The following PEX5L variants were observed in gnomAD, a reference collection of about 807,000 sequenced individuals.
The protein encoded by PEX5L is peroxisomal biogenesis factor 5 like.
In PEX5L, 30 loss-of-function variants were observed where a neutral mutation model predicts 84.0. The ratio of observed to expected loss-of-function variants is 0.36; its 90% CI spans 0.27 to 0.48. The LOEUF (loss-of-function observed/expected upper bound fraction) is 0.48, where lower values mean the gene tolerates loss of function less well. Ranked by LOEUF, PEX5L falls within the 20% of genes least tolerant of loss-of-function variation. The probability of loss-of-function intolerance (pLI) is 0.99; values close to 1 mark genes in which losing one functional copy is unlikely to be tolerated. For synonymous variants in PEX5L, 270 were observed against 283.1 expected, an observed-to-expected ratio of 0.95 and a Z score of 0.46; for missense variants, 533 against 754.6, an observed-to-expected ratio of 0.71 and a Z score of 3.44.
intron 8 of PEX5L, among the ~76,000 whole-genome samples, chr3:179,844,557 G>A (rs892221371): frequency 7.9e-5 from 12 of 152,214 alleles, no homozygotes; most frequent in South Asian, 2.1e-4. Flanking sequence ...AGCTGGGCGC[G>A]GTGGCTCACG....
At chr3:179,823,070 A>G (rs1729075097) in intron 8 of PEX5L, among the ~76,000 whole-genome samples, 1 of 152,256 alleles carries the variant, frequency 6.6e-6, no homozygotes, top group Non-Finnish European at 1.5e-5. Context: ...TAGGTGCTCA[A>G]AAAAAGTAAG....
rs1718686827 is a variant in PEX5L, at chr3:179,800,941, G to A, written c.*887C>T. The A allele has an allele frequency of 6.6e-6, 1 of 152,408 alleles. No individual in the cohort carries two copies. The highest frequency in any genetic ancestry group is 6.5e-5 in the Admixed American group (1 of 15,268). 9.4% of individuals were successfully genotyped at this position (152,408 alleles called of 1,614,324 possible). ...AATGCATGAAGAGACAGTACCTTGT[G>A]TCTTACTTATGTTCATACAGACCCA... On this transcript the variant is annotated 3_prime_UTR_variant, in exon 15 of 15. Coordinates refer to ENST00000467460, the MANE Select transcript of PEX5L (RefSeq NM_016559.3).
At chr3:179,851,149 G>A (rs1741683575) in intron 8 of PEX5L, among the ~76,000 whole-genome samples, 1 of 152,168 alleles carries the variant, frequency 6.6e-6, no homozygotes, top group Admixed American at 6.5e-5. Context: ...AAGTTAAAGA[G>A]AAGTAAAGAA....
intron 1 of PEX5L, among the ~76,000 whole-genome samples, chr3:180,024,112 A>T (rs1790683923): frequency 6.6e-6 from 1 of 152,030 alleles, no homozygotes; most frequent in Non-Finnish European, 1.5e-5. Flanking sequence ...GCACAAAGGT[A>T]GTACATGTCA....
intron 2 of PEX5L, among the ~76,000 whole-genome samples, chr3:179,938,108 G>A (rs1237053897): frequency 6.6e-6 from 1 of 152,016 alleles, no homozygotes; most frequent in African/African-American, 2.4e-5. Context: ...TTATAAAAAT[G>A]GATTCTGATG....
chr3:179,863,652 G>A (rs1747044195), intron 7 of PEX5L, among the ~76,000 whole-genome samples: 2 of 152,130 alleles, frequency 1.3e-5, no homozygotes, highest in Admixed American at 6.6e-5. Flanking sequence ...CACCTATTAG[G>A]ATGTCTGTTA....
chr3:180,035,120 G>T (rs920446724), intron 1 of PEX5L, among the ~76,000 whole-genome samples: 1 of 151,944 alleles, frequency 6.6e-6, no homozygotes, highest in East Asian at 1.9e-4. Context: ...ATTTTTTGAG[G>T]GTTGACTCTA....
At chr3:179,935,983 A>T (rs972429929) in intron 2 of PEX5L, among the ~76,000 whole-genome samples, 1 of 152,178 alleles carries the variant, frequency 6.6e-6, no homozygotes, top group Non-Finnish European at 1.5e-5. Context: ...AGCAGATGCC[A>T]GCACCACGTT....
At chr3:180,010,258 TTTTTTTTTC>T (rs1789327043) in intron 1 of PEX5L, among the ~76,000 whole-genome samples, 2 of 142,946 alleles carry the variant, frequency 1.4e-5, no homozygotes, top group African/African-American at 5.5e-5. Context: ...TTTTTTTTTT[TTTTTTTTTC>T]TGTAGAGATG....
intron 1 of PEX5L, among the ~76,000 whole-genome samples, chr3:180,032,681 C>T (rs574640728): frequency 5.9e-5 from 9 of 152,170 alleles, no homozygotes; most frequent in South Asian, 2.1e-4. Context: ...TGGTGAAACC[C>T]TGTCTCTACA....
At chr3:179,898,508 T>A (rs1760124080) in intron 2 of PEX5L, among the ~76,000 whole-genome samples, 1 of 152,198 alleles carries the variant, frequency 6.6e-6, no homozygotes, top group Non-Finnish European at 1.5e-5. Flanking sequence ...ATGTATAATA[T>A]GTTTTAAGGA....
chr3:179,932,394 G>A (rs920419413), intron 2 of PEX5L, among the ~76,000 whole-genome samples: 2 of 152,074 alleles, frequency 1.3e-5, no homozygotes, highest in African/African-American at 2.4e-5. Flanking sequence ...TTTCATATAT[G>A]AGCAGGGATA....
In PEX5L at chr3:179,923,614, G is replaced by A. The variant is rs79353316; in HGVS notation, c.94-25368C>T. The stretch of plus-strand genomic sequence containing the variant: ...ATGCATGCTAACGTTTGAAAATCAC[G>A]GGCATAAGGCTTAAGATCATGGTTT... On this transcript the variant is annotated intron_variant, in intron 2 of 14. Transcript: ENST00000467460. 3.6e-3 allele frequency among the ~76,000 whole-genome samples: 542 copies of A among 152,222 alleles called. 3 individuals carry two copies. Among genetic ancestry groups the A allele is most frequent in the African/African-American group, 0.012 (513 of 41,524 alleles).
intron 13 of PEX5L, 103 bp downstream of exon 13, chr3:179,808,169 A>G: frequency 1.1e-6 from 1 of 908,862 alleles, no homozygotes; most frequent in African/African-American, 1.7e-5. Flanking sequence ...AAACCATTGG[A>G]GTCAGGGAAA....
chr3:179,822,900 G>A (rs1346590984), intron 8 of PEX5L, among the ~76,000 whole-genome samples: 1 of 152,170 alleles, frequency 6.6e-6, no homozygotes, highest in Non-Finnish European at 1.5e-5. Context: ...CCCTTGGATG[G>A]ACCTGGGTCA....
intron 2 of PEX5L, among the ~76,000 whole-genome samples, chr3:179,952,872 C>CA (rs1266772632): frequency 6.6e-6 from 1 of 152,068 alleles, no homozygotes. Flanking sequence ...CTACAGTAGC[C>CA]AAAACAGCAT....
intron 2 of PEX5L, among the ~76,000 whole-genome samples, chr3:179,948,184 C>A (rs1487733810): frequency 6.6e-6 from 1 of 152,072 alleles, no homozygotes; most frequent in African/African-American, 2.4e-5. Context: ...ATTTATAATT[C>A]ATAGCAAAGG....
intron 2 of PEX5L, among the ~76,000 whole-genome samples, chr3:179,938,345 G>A (rs773094179): frequency 1.1e-4 from 16 of 152,216 alleles, no homozygotes; most frequent in Non-Finnish European, 2.1e-4. Flanking sequence ...ACATAGATGA[G>A]AGGTTAGAAG....
In PEX5L at chr3:179,808,354, C is replaced by T; in HGVS notation, c.1436G>A (p.Gly479Asp). 1 of 1,604,446 alleles carries T rather than the reference C, an allele frequency of 6.2e-7. No homozygotes were observed. Among genetic ancestry groups the T allele is most frequent in the South Asian group, 1.1e-5 (1 of 88,972 alleles). The change falls in exon 13 of 15, where the codon GGT becomes GAT. Residue 479 changes from glycine to aspartate, a missense_variant. Gly to Asp is a moderately conservative substitution (Grantham distance 94). This residue lies in a region of PEX5L where 105 missense variants were observed against 204.6 expected (regional missense o/e 0.51). Coordinates refer to ENST00000467460, the MANE Select transcript of PEX5L (RefSeq NM_016559.3). ...ACTCAGGTGGAACAGAACCCCTAGA[C>T]CTGTCTGCAGGTCTGGGTCGATCAT... ...GDMIDPDLQT[G>D]LGVLFHLSGE...
Sources: gnomAD v4.1 joint callset for allele counts (sites outside exome capture counted in the v4.1 genomes callset) on GRCh38, gnomAD v4.1.1 for gene constraint, gnomAD v4.1.1 regional missense constraint, MANE v1.5 for transcripts, NCBI Gene and HGNC (gene_info 2026-07-23, HGNC 2026-07-21) for gene names.